Variants in SLC25A3 observed in about 807,000 individuals in gnomAD.
The protein encoded by SLC25A3 is solute carrier family 25 member 3.
A neutral mutation model predicts 37.1 loss-of-function variants in SLC25A3; 14 were observed. The ratio of observed to expected loss-of-function variants is 0.38; its 90% CI spans 0.25 to 0.59. SLC25A3 has a LOEUF of 0.59. Ranked by LOEUF, SLC25A3 falls within the 20% of genes least tolerant of loss-of-function variation. SLC25A3 has a pLI of 0.67. For missense variants in SLC25A3, 385 were observed against 458.1 expected (o/e 0.84, Z 1.46); for synonymous variants, 161 against 168.7 (o/e 0.95, Z 0.36).
At chr12:98,599,513 T>G in intron 5 of SLC25A3, 1 of 423,378 alleles carries the variant, frequency 2.4e-6, no homozygotes, top group Non-Finnish European at 4.6e-6. Flanking sequence ...TTCCCTAGAG[T>G]AAGGACCATT....
At position 98,598,048 on chromosome 12, in the gene SLC25A3, C is replaced by G; in HGVS notation, c.459+13C>G. On this transcript the variant is annotated intron_variant, in intron 4 of 7. Transcript: ENST00000552981. ...TATGCTTGGAGAGGTATGTAATTAACTTTAAAATTGAATGTTCCGAGTGTT... is the reference window on the plus strand; with the variant it reads ...TATGCTTGGAGAGGTATGTAATTAAGTTTAAAATTGAATGTTCCGAGTGTT... 5 of 1,611,488 alleles carry G rather than the reference C, an allele frequency of 3.1e-6. No homozygotes were observed. Among genetic ancestry groups the G allele is most frequent in the Non-Finnish European group, 4.2e-6 (5 of 1,177,944 alleles).
In SLC25A3 at chr12:98,601,617, GA is replaced by G; in HGVS notation, c.*92del. On this transcript the variant is annotated 3_prime_UTR_variant, in exon 8 of 8. Transcript: ENST00000552981. The stretch of plus-strand genomic sequence containing the variant: ...AACTTTTATATATTTGACAGTGTAG[GA>G]AATTGTCTATTCCTGATATAATTAC... 1 of 851,082 alleles carries G rather than the reference GA, an allele frequency of 1.2e-6. No individual in the cohort carries two copies. Among genetic ancestry groups the G allele is most frequent in the Non-Finnish European group, 2.0e-6 (1 of 501,490 alleles). 52.7% of individuals were successfully genotyped at this position (851,082 alleles called of 1,614,324 possible).
rs543091976 is a variant in SLC25A3 at position 98,602,782 on chromosome 12, A to T, written c.*1254A>T. 1 of 152,342 alleles carries T rather than the reference A, an allele frequency of 6.6e-6. No individual in the cohort carries two copies. The highest frequency in any genetic ancestry group is 2.1e-4 in the South Asian group (1 of 4,834). The allele number at this position is 152,342 out of a possible 1,614,324, so 9.4% of individuals were successfully genotyped here. ...TTTTCAAACACTAGATTTTACCTAGAGTCCTTATGTGTAATACGTGGGTTG... is the reference window on the plus strand; with the variant it reads ...TTTTCAAACACTAGATTTTACCTAGTGTCCTTATGTGTAATACGTGGGTTG... On this transcript the variant is annotated 3_prime_UTR_variant, in exon 8 of 8. Transcript: ENST00000552981.
At chr12:98,597,395 T>C (rs2097593875) in intron 3 of SLC25A3, among the ~76,000 whole-genome samples, 1 of 151,880 alleles carries the variant, frequency 6.6e-6, no homozygotes, top group Non-Finnish European at 1.5e-5. Flanking sequence ...AACTCTTGGA[T>C]AAGGGAGAGC....
chr12:98,601,572 G>A lies in SLC25A3; in HGVS notation c.*44G>A, dbSNP rs1313826475. 6.2e-6 allele frequency: 8 copies of A among 1,283,480 alleles called. No individual in the cohort carries two copies. Among genetic ancestry groups the A allele is most frequent in the Non-Finnish European group, 8.0e-6 (7 of 878,802 alleles). 79.5% of individuals were successfully genotyped at this position (1,283,480 alleles called of 1,614,324 possible). A position where few individuals can be genotyped will look rare whatever the true frequency, so the allele number is the denominator to read the frequency against. On this transcript the variant is annotated 3_prime_UTR_variant, in exon 8 of 8. Coordinates refer to ENST00000552981, the MANE Select transcript of SLC25A3 (RefSeq NM_002635.4). Reference sequence around the variant, plus strand: ...GGACTGAATCTGCTTGTTGATCAGTGTTGAAGAAAGTGCAAAAGGAACTTT... The same window carrying A: ...GGACTGAATCTGCTTGTTGATCAGTATTGAAGAAAGTGCAAAAGGAACTTT...
Position 98,601,424 on chromosome 12 carries a change from C to CA in SLC25A3, c.983dup (p.Trp329ValfsTer5). 6.2e-7 allele frequency: 1 copy of CA among 1,613,712 alleles called. No homozygotes were observed. Among genetic ancestry groups the CA allele is most frequent in the Non-Finnish European group, 8.5e-7 (1 of 1,179,734 alleles). On this transcript the variant is annotated frameshift_variant, in exon 8 of 8. Coordinates refer to ENST00000552981, the MANE Select transcript of SLC25A3 (RefSeq NM_002635.4). LOFTEE classifies it high-confidence loss of function. ...CATGATTGGTACCCTGACTGCACTA[C>CA]AGTGGTTTATCTATGACTCCGTGAA... is the stretch of plus-strand genomic sequence containing the variant.
rs1156939485 is a variant in SLC25A3 at position 98,604,252 on chromosome 12, C to CAAAAAAAAA, written c.*2728_*2736dup. The CAAAAAAAAA allele has an allele frequency of 8.9e-6, 1 of 112,984 alleles. No homozygotes were observed. Among genetic ancestry groups the CAAAAAAAAA allele is most frequent in the African/African-American group, 3.6e-5 (1 of 27,920 alleles). 7.0% of individuals were successfully genotyped at this position (112,984 alleles called of 1,614,324 possible). On this transcript the variant is annotated 3_prime_UTR_variant, in exon 8 of 8. Transcript: ENST00000552981. Reference sequence around the variant, plus strand: ...GGGCAACAACAGCGAAACTCTGTCTCAAAAAAAAAAAATATATATATATAT... The same window carrying CAAAAAAAAA: ...GGGCAACAACAGCGAAACTCTGTCTCAAAAAAAAAAAAAAAAAAAAATATATATATATAT...
At chr12:98,594,841 C>A (rs2097591599) in intron 2 of SLC25A3, 1 of 179,534 alleles carries the variant, frequency 5.6e-6, no homozygotes, top group Non-Finnish European at 1.2e-5. Context: ...CTACCTTGTG[C>A]CTGTAAAATC....
At chr12:98,597,632 C>T (rs1039539710) in intron 3 of SLC25A3, 1 of 518,986 alleles carries the variant, frequency 1.9e-6, no homozygotes, top group African/African-American at 1.9e-5. Flanking sequence ...CTGTGTTGCC[C>T]AGGCTGGTCT....
chr12:98,597,705 T>G, intron 3 of SLC25A3, 151 bp from the exon 4 acceptor site: 8 of 1,076,104 alleles, frequency 7.4e-6, no homozygotes, highest in Non-Finnish European at 1.1e-5. Flanking sequence ...ATTACAGATG[T>G]GAGCCACCGT....
In SLC25A3 at chr12:98,600,142, G is replaced by T; in HGVS notation, c.814+15G>T. 1 of 1,452,530 alleles carries T rather than the reference G, an allele frequency of 6.9e-7. No homozygotes were observed. The allele number at this position is 1,452,530 out of a possible 1,614,324, so 90.0% of individuals were successfully genotyped here. On this transcript the variant is annotated intron_variant, in intron 6 of 7. Coordinates refer to ENST00000552981, the MANE Select transcript of SLC25A3 (RefSeq NM_002635.4). ...AGGTTACATAGGTACGAATTACTTA[G>T]AACACACTTGTCTGAAATTATGAAC...
At position 98,593,698 on chromosome 12, in the gene SLC25A3, C is replaced by CT; in HGVS notation, c.-47_-46insT. ...GAGGACGTCCGGCCTCTGTGAGCCGCAACCTTTCCAAGGGAGTGGTTGTGT... is the reference window on the plus strand; with the variant it reads ...GAGGACGTCCGGCCTCTGTGAGCCGCTAACCTTTCCAAGGGAGTGGTTGTGT... On this transcript the variant is annotated 5_prime_UTR_variant, in exon 1 of 8. Coordinates refer to ENST00000552981, the MANE Select transcript of SLC25A3 (RefSeq NM_002635.4). The CT allele has an allele frequency of 3.7e-6, 2 of 535,514 alleles. No individual in the cohort carries two copies. The highest frequency in any genetic ancestry group is 6.8e-6 in the Non-Finnish European group (2 of 295,562). 33.2% of individuals were successfully genotyped at this position (535,514 alleles called of 1,614,324 possible).
rs1334348025 is a variant in SLC25A3, at chr12:98,603,824, CT to C, written c.*2297del. The C allele has an allele frequency of 6.6e-6, 1 of 152,142 alleles. No homozygotes were observed. Among genetic ancestry groups the C allele is most frequent in the African/African-American group, 2.4e-5 (1 of 41,424 alleles). The allele number at this position is 152,142 out of a possible 1,614,324, so 9.4% of individuals were successfully genotyped here. A position where few individuals can be genotyped will look rare whatever the true frequency, so the allele number is the denominator to read the frequency against. On this transcript the variant is annotated 3_prime_UTR_variant, in exon 8 of 8. Transcript: ENST00000552981. The stretch of plus-strand genomic sequence containing the variant: ...AGGCCCACTTAAAGTGATGCGAATT[CT>C]CATTTCAGGTTTTTAAATTATACTA...
rs1291094509 is a variant in SLC25A3 at position 98,601,512 on chromosome 12, T to C, written c.1070T>C (p.Leu357Pro). Residue 357 changes from leucine to proline, a missense_variant, in exon 8 of 8, where the codon CTT (leucine) becomes CCT (proline). Around this residue, in one of 2 missense-constraint regions of SLC25A3, gnomAD observed 276 missense variants for 367.6 expected, o/e 0.75. Transcript: ENST00000552981. ...PEMPESLKKK[L>P]GLTQ is the part of the protein sequence containing the mutation. ...ATGCCAGAGTCTCTGAAGAAGAAGCTTGGGTTAACTCAGTAGTTAGATCAA... is the reference window on the plus strand; with the variant it reads ...ATGCCAGAGTCTCTGAAGAAGAAGCCTGGGTTAACTCAGTAGTTAGATCAA... 1 of 1,612,322 alleles carries C rather than the reference T, an allele frequency of 6.2e-7. No homozygotes were observed. The highest frequency in any genetic ancestry group is 1.7e-5 in the Admixed American group (1 of 59,984).
chr12:98,596,371 C>T (rs1037836403), intron 3 of SLC25A3, among the ~76,000 whole-genome samples: 3 of 152,010 alleles, frequency 2.0e-5, no homozygotes, highest in African/African-American at 2.4e-5. Context: ...AACAAGACAT[C>T]GAAAATTTAT....
At position 98,602,347 on chromosome 12, in the gene SLC25A3, A is replaced by T. The variant is rs1351054511; in HGVS notation, c.*819A>T. 2.0e-5 allele frequency: 3 copies of T among 152,484 alleles called. No homozygotes were observed. The East Asian group carries it at 5.8e-4, about 29-fold the overall frequency. 9.4% of individuals were successfully genotyped at this position (152,484 alleles called of 1,614,324 possible). On this transcript the variant is annotated 3_prime_UTR_variant, in exon 8 of 8. Coordinates refer to ENST00000552981, the MANE Select transcript of SLC25A3 (RefSeq NM_002635.4). ...GCCCAGCTAATTTTGTATTTTTAGT[A>T]GAGACGGGGTTTCCCTGTGTTGGTC...
chr12:98,593,713 A>T lies in SLC25A3; in HGVS notation c.-32A>T. On this transcript the variant is annotated 5_prime_UTR_variant, in exon 1 of 8. Coordinates refer to ENST00000552981, the MANE Select transcript of SLC25A3 (RefSeq NM_002635.4). Reference sequence around the variant, plus strand: ...CTGTGAGCCGCAACCTTTCCAAGGGAGTGGTTGTGTGATCGCCATCTTAGG... The same window carrying T: ...CTGTGAGCCGCAACCTTTCCAAGGGTGTGGTTGTGTGATCGCCATCTTAGG... The T allele has an allele frequency of 1.8e-6, 1 of 557,580 alleles. No individual in the cohort carries two copies. The highest frequency in any genetic ancestry group is 2.0e-5 in the South Asian group (1 of 49,716). The allele number at this position is 557,580 out of a possible 1,614,324, so 34.5% of individuals were successfully genotyped here.
intron 1 of SLC25A3, 69 bp from the exon 2 acceptor site, chr12:98,593,906 G>T (rs2097590578): frequency 6.3e-7 from 1 of 1,587,562 alleles, no homozygotes; most frequent in Non-Finnish European, 8.6e-7. Flanking sequence ...CCCGGTTGGG[G>T]TTCCAGGGCG....
chr12:98,599,794 A>T lies in SLC25A3; in HGVS notation c.642-161A>T, dbSNP rs773369228. On this transcript the variant is annotated intron_variant, in intron 5 of 7. Coordinates refer to ENST00000552981, the MANE Select transcript of SLC25A3 (RefSeq NM_002635.4). ...AGTCATTGGCATGTAAGAGAAATAT[A>T]CCTGCATGTTAGTCTAACGTTCTGA... The T allele has an allele frequency of 2.4e-6, 2 of 837,338 alleles. 1 individual carries two copies. The highest frequency in any genetic ancestry group is 4.4e-4 in the Middle Eastern group (2 of 4,558). The allele number at this position is 837,338 out of a possible 1,614,324, so 51.9% of individuals were successfully genotyped here.
Sources: gnomAD v4.1 joint callset for allele counts (sites outside exome capture counted in the v4.1 genomes callset) on GRCh38, gnomAD v4.1.1 for gene constraint, gnomAD v4.1.1 regional missense constraint, MANE v1.5 for transcripts, NCBI Gene and HGNC (gene_info 2026-07-23, HGNC 2026-07-21) for gene names.